The following TENT5D variants were observed in gnomAD, a reference collection of about 807,000 sequenced individuals.
The protein encoded by TENT5D is terminal nucleotidyltransferase 5D.
For missense variants in TENT5D, 191 were observed against 287.0 expected, an observed-to-expected ratio of 0.67 and a Z score of 2.42; for synonymous variants, 103 against 100.6, an observed-to-expected ratio of 1.02 and a Z score of -0.15.
At chrX:80,382,114 G>A (rs1930878703) in intron 3 of TENT5D, among the ~76,000 whole-genome samples, 1 of 111,378 alleles carries the variant, frequency 9.0e-6, no homozygotes, top group African/African-American at 3.3e-5. Context: ...GATCTTTGAT[G>A]ATGGTGACCT....
intron 2 of TENT5D, among the ~76,000 whole-genome samples, chrX:80,341,905 G>T (rs1354656802): frequency 3.8e-5 from 4 of 106,634 alleles, no homozygotes; most frequent in Admixed American, 1.0e-4. Flanking sequence ...TAGAGACGGG[G>T]TTTCACCGTG....
At chrX:80,414,635 A>G (rs749605496) in intron 3 of TENT5D, among the ~76,000 whole-genome samples, 132 of 112,119 alleles carry the variant, frequency 1.2e-3, no homozygotes, top group Non-Finnish European at 2.2e-3. Flanking sequence ...TCCAGGTTAG[A>G]AGTAGATAAG....
chrX:80,354,130 C>G (rs1219801722), intron 3 of TENT5D, among the ~76,000 whole-genome samples: 1 of 111,137 alleles, frequency 9.0e-6, no homozygotes, highest in Non-Finnish European at 1.9e-5. Flanking sequence ...TCCTACCTGC[C>G]TTCAAGAATT....
At chrX:80,443,927 C>T (rs932837319) in exon 3 of TENT5D, 12 of 332,834 alleles carry the variant, frequency 3.6e-5, no homozygotes, top group Non-Finnish European at 5.9e-5. Context: ...GTTTTTCAAA[C>T]GTTATTGACT....
At chrX:80,432,768 T>A (rs775450294) in intron 1 of TENT5D, among the ~76,000 whole-genome samples, 1 of 110,941 alleles carries the variant, frequency 9.0e-6, no homozygotes, top group African/African-American at 3.3e-5. Flanking sequence ...AAAAGTTTAA[T>A]AAGTGAAAGA....
At chrX:80,384,115 C>T (rs62606107) in intron 3 of TENT5D, among the ~76,000 whole-genome samples, 11,227 of 104,914 alleles carry the variant, frequency 0.11, 635 homozygotes, top group South Asian at 0.36. Flanking sequence ...GGCAGAGACA[C>T]AACAAAAAAA....
chrX:80,440,692 A>C (rs928151969), intron 2 of TENT5D, among the ~76,000 whole-genome samples: 1 of 111,373 alleles, frequency 9.0e-6, no homozygotes, highest in Non-Finnish European at 1.9e-5. Flanking sequence ...CATTAAGGAA[A>C]GGAAAATATA....
At chrX:80,387,413 T>C (rs1931039530) in intron 3 of TENT5D, among the ~76,000 whole-genome samples, 1 of 111,960 alleles carries the variant, frequency 8.9e-6, no homozygotes, top group Non-Finnish European at 1.9e-5. Flanking sequence ...AACTTGGGTG[T>C]TGTGATCTAA....
chrX:80,354,483 T>C (rs1254193322), intron 3 of TENT5D, among the ~76,000 whole-genome samples: 1 of 112,436 alleles, frequency 8.9e-6, no homozygotes, highest in Non-Finnish European at 1.9e-5. Context: ...TATTCTGTTA[T>C]TAATGTTTCC....
intron 3 of TENT5D, among the ~76,000 whole-genome samples, chrX:80,354,111 G>A (rs976497388): frequency 1.8e-5 from 2 of 111,091 alleles, no homozygotes; most frequent in African/African-American, 3.3e-5. Flanking sequence ...TCTGTGACCC[G>A]TCAGTTTTTC....
chrX:80,402,431 C>T (rs1366618468), intron 3 of TENT5D, among the ~76,000 whole-genome samples: 1 of 111,481 alleles, frequency 9.0e-6, no homozygotes, highest in Non-Finnish European at 1.9e-5. Context: ...ATTTTTCCTT[C>T]TGCTAACATT....
rs144634143 is a variant in TENT5D at position 80,373,647 on chromosome X, G to A, written c.-142+31083G>A. On this transcript the variant is annotated intron_variant, in intron 3 of 4. Transcript: ENST00000538312. ...CAAAGCTATATATCTATTCCTCTTG[G>A]TTAATCCTTCTCTCCTGATCTCCCA... Among the ~76,000 whole-genome samples, 171 of 110,744 alleles carry A rather than the reference G, an allele frequency of 1.5e-3. 1 individual carries two copies. The highest frequency in any genetic ancestry group is 2.5e-3 in the Non-Finnish European group (134 of 52,874).
rs190702564 is a variant in TENT5D at position 80,375,249 on chromosome X, T to C, written c.-142+32685T>C. On this transcript the variant is annotated intron_variant, in intron 3 of 4. Transcript: ENST00000538312. Reference sequence around the variant, plus strand: ...AGAAACCTTTTCTGATCATACTCATTCTCTCTGTTCTCTTAGCTGTTATAC... The same window carrying C: ...AGAAACCTTTTCTGATCATACTCATCCTCTCTGTTCTCTTAGCTGTTATAC... Among the ~76,000 whole-genome samples, 509 of 111,646 alleles carry C rather than the reference T, an allele frequency of 4.6e-3. 7 individuals carry two copies. The highest frequency in any genetic ancestry group is 5.1e-3 in the Non-Finnish European group (272 of 53,053).
chrX:80,409,297 G>A (rs1931581338), intron 3 of TENT5D, among the ~76,000 whole-genome samples: 1 of 110,525 alleles, frequency 9.0e-6, no homozygotes, highest in Non-Finnish European at 1.9e-5. Flanking sequence ...TAGGAAAAGA[G>A]GAAGTCAAAT....
intron 2 of TENT5D, among the ~76,000 whole-genome samples, chrX:80,341,014 T>A (rs1406001890): frequency 8.9e-6 from 1 of 111,979 alleles, no homozygotes; most frequent in Non-Finnish European, 1.9e-5. Flanking sequence ...AATAACAACA[T>A]CATTCCTAGC....
At chrX:80,384,118 C>CA (rs1930937182) in intron 3 of TENT5D, among the ~76,000 whole-genome samples, 2 of 105,195 alleles carry the variant, frequency 1.9e-5, no homozygotes, top group Admixed American at 1.0e-4. Flanking sequence ...AGAGACACAA[C>CA]AAAAAAAGAG....
chrX:80,356,144 A>G (rs1930279788), intron 3 of TENT5D, among the ~76,000 whole-genome samples: 1 of 112,504 alleles, frequency 8.9e-6, no homozygotes, highest in African/African-American at 3.2e-5. Context: ...ATATTCAGTT[A>G]CATATCGGTA....
chrX:80,402,585 T>C (rs923864698), intron 3 of TENT5D, among the ~76,000 whole-genome samples: 1 of 112,336 alleles, frequency 8.9e-6, no homozygotes, highest in African/African-American at 3.2e-5. Context: ...TGGTATGTTA[T>C]ATTTCCATTT....
At chrX:80,384,203 G>A (rs1301748365) in intron 3 of TENT5D, among the ~76,000 whole-genome samples, 2 of 99,966 alleles carry the variant, frequency 2.0e-5, no homozygotes, top group African/African-American at 7.3e-5. Context: ...GAATCCAGCA[G>A]CACATCAAAA....
Sources: allele counts gnomAD v4.1 joint callset (sites outside exome capture counted in the v4.1 genomes callset), GRCh38; gene constraint gnomAD v4.1.1; transcripts MANE v1.5; gene names NCBI Gene and HGNC (gene_info 2026-07-23, HGNC 2026-07-21).